Variants in ITPRID1 observed in about 807,000 individuals in gnomAD.
The protein encoded by ITPRID1 is protein ITPRID1.
A neutral mutation model predicts 95.4 loss-of-function variants in ITPRID1; 96 were observed. The observed-to-expected ratio is 1.01, with a 90% CI of 0.85 to 1.19. The LOEUF (loss-of-function observed/expected upper bound fraction) is 1.19. Among genes scored for constraint, ITPRID1 ranks in the 50% most tolerant of loss-of-function variants. The probability of loss-of-function intolerance (pLI) is 0.00; values close to 1 mark genes in which losing one functional copy is unlikely to be tolerated. For missense variants in ITPRID1, 1,339 were observed against 1,252.9 expected, an observed-to-expected ratio of 1.07 and a Z score of -1.04; for synonymous variants, 510 against 453.6, an observed-to-expected ratio of 1.12 and a Z score of -1.58.
rs1292830702 is a variant in ITPRID1, at chr7:31,654,573, C to A, written c.*1744C>A. On this transcript the variant is annotated 3_prime_UTR_variant, in exon 15 of 15. Transcript: ENST00000615280. Reference sequence around the variant, plus strand: ...TGCCCAGCTAGGAGGCTGTTGCTGTCATCCCCAAGGTGAGAAGCAAATGTC... The same window carrying A: ...TGCCCAGCTAGGAGGCTGTTGCTGTAATCCCCAAGGTGAGAAGCAAATGTC... Among the ~76,000 whole-genome samples the A allele has an allele frequency of 6.6e-6, 1 of 152,146 alleles. No individual in the cohort carries two copies. The highest frequency in any genetic ancestry group is 6.5e-5 in the Admixed American group (1 of 15,284).
At chr7:31,606,039 A>G (rs1462604023) in intron 10 of ITPRID1, among the ~76,000 whole-genome samples, 1 of 152,250 alleles carries the variant, frequency 6.6e-6, no homozygotes, top group East Asian at 1.9e-4. Flanking sequence ...TTTATAAAAC[A>G]TAATATGAAT....
intron 10 of ITPRID1, among the ~76,000 whole-genome samples, chr7:31,584,510 T>A (rs1785517355): frequency 6.6e-6 from 1 of 152,118 alleles, no homozygotes; most frequent in Non-Finnish European, 1.5e-5. Context: ...GGTCAATTAA[T>A]ACCATGTAAG....
At chr7:31,514,195 A>G (rs1583445452) in intron 1 of ITPRID1, 75 bp downstream of exon 1, 1 of 152,188 alleles carries the variant, frequency 6.6e-6, no homozygotes, top group South Asian at 2.1e-4. Flanking sequence ...CCCCTCCTCC[A>G]ACTAAGGAAG....
At position 31,574,667 on chromosome 7, in the gene ITPRID1, G is replaced by T; in HGVS notation, c.523G>T (p.Ala175Ser). ...CAGATTCCTTGGTTGTGGCTCAGCA[G>T]CCAGAGGAATCAACATCCGTGTTTT... The part of the protein sequence containing the change: ...PARFLGCGSA[A>S]RGINIRVFLE... Residue 175 changes from alanine (A) to serine (S), a missense_variant, in exon 8 of 15, where the codon GCC becomes TCC. Transcript: ENST00000615280. 1 of 1,613,928 alleles carries T rather than the reference G, an allele frequency of 6.2e-7. No individual in the cohort carries two copies. Among genetic ancestry groups the T allele is most frequent in the African/African-American group, 1.3e-5 (1 of 75,032 alleles).
intron 10 of ITPRID1, among the ~76,000 whole-genome samples, chr7:31,639,035 C>T (rs1789756745): frequency 6.6e-6 from 1 of 152,160 alleles, no homozygotes; most frequent in Admixed American, 6.5e-5. Context: ...CCTCGGCCTC[C>T]CAAAGTGCTG....
At chr7:31,578,539 C>A in intron 9 of ITPRID1, 105 bp downstream of exon 9, 1 of 793,546 alleles carries the variant, frequency 1.3e-6, no homozygotes, top group Non-Finnish European at 1.9e-6. Context: ...AATCCCTCAG[C>A]ATTACTTCTT....
intron 1 of ITPRID1, chr7:31,518,272 C>G (rs1382601643): frequency 6.6e-6 from 1 of 152,174 alleles, no homozygotes. Flanking sequence ...GAGTGCAGGC[C>G]TGCTAACAGA....
chr7:31,644,026 C>T (rs767863553), intron 12 of ITPRID1, 73 bp downstream of exon 12: 56 of 1,384,524 alleles, frequency 4.0e-5, no homozygotes, highest in Admixed American at 6.8e-5. Flanking sequence ...AATATTCAGA[C>T]TTCCTTGCTG....
At chr7:31,542,688 C>T (rs1783971290) in intron 1 of ITPRID1, among the ~76,000 whole-genome samples, 1 of 152,118 alleles carries the variant, frequency 6.6e-6, no homozygotes, top group African/African-American at 2.4e-5. Flanking sequence ...TAAAAAATTA[C>T]ACAAGCAAAG....
rs1476488408 is a variant in ITPRID1, at chr7:31,643,070, G to C, written c.1700G>C (p.Gly567Ala). The C allele has an allele frequency of 1.2e-6, 2 of 1,613,826 alleles. No homozygotes were observed. Among genetic ancestry groups the C allele is most frequent in the Non-Finnish European group, 1.7e-6 (2 of 1,179,882 alleles). The change falls in exon 12 of 15, where the codon GGG becomes GCG. Residue 567 changes from glycine to alanine, a missense_variant. Transcript: ENST00000615280. ...ACTTCCAAATATGATCATCCTCTGG[G>C]GTTTATGGTAACCCACGTCACAGAA... ...TATSKYDHPLGFMVTHVTEMQ... is the reference protein window; with the variant it reads ...TATSKYDHPLAFMVTHVTEMQ...
intron 1 of ITPRID1, among the ~76,000 whole-genome samples, chr7:31,520,515 TTGTG>T (rs57709822): frequency 0.013 from 1,695 of 135,568 alleles, 18 homozygotes; most frequent in Admixed American, 0.021. Flanking sequence ...TACCACATCA[TTGTG>T]TGTGTGTGTG....
At position 31,652,149 on chromosome 7, in the gene ITPRID1, G is replaced by T. The variant is rs568567900; in HGVS notation, c.2823+99G>T. The T allele has an allele frequency of 3.8e-5, 35 of 931,138 alleles. No homozygotes were observed. In the African/African-American group the frequency reaches 5.6e-4, roughly 15 times the overall value. The allele number at this position is 931,138 out of a possible 1,614,324, so 57.7% of individuals were successfully genotyped here. A position where few individuals can be genotyped will look rare whatever the true frequency, so the allele number is the denominator to read the frequency against. The stretch of plus-strand genomic sequence containing the variant: ...ATTGTGCAATCATTTCAGAATCTAG[G>T]TTTACATGCCAACACCTTCATTTTA... On this transcript the variant is annotated intron_variant, in intron 14 of 14. Coordinates refer to ENST00000615280, the MANE Select transcript of ITPRID1 (RefSeq NM_001257967.3).
intron 10 of ITPRID1, among the ~76,000 whole-genome samples, chr7:31,592,115 T>G (rs1785890943): frequency 6.6e-6 from 1 of 152,162 alleles, no homozygotes; most frequent in Non-Finnish European, 1.5e-5. Flanking sequence ...CCCTACTCTT[T>G]TTATGCGTAA....
At chr7:31,526,267 A>G (rs1783418336) in intron 1 of ITPRID1, among the ~76,000 whole-genome samples, 1 of 152,218 alleles carries the variant, frequency 6.6e-6, no homozygotes, top group African/African-American at 2.4e-5. Context: ...TCTCTGACAT[A>G]TGATGATTTG....
intron 13 of ITPRID1, among the ~76,000 whole-genome samples, chr7:31,651,603 A>G (rs28663): frequency 0.95 from 144,138 of 152,154 alleles, 68,481 homozygotes; most frequent in East Asian, 1. Context: ...TGGGGATGGA[A>G]ATCAGGTTTA....
chr7:31,562,600 C>A (rs577658334), intron 5 of ITPRID1, among the ~76,000 whole-genome samples: 1 of 152,206 alleles, frequency 6.6e-6, no homozygotes, highest in Middle Eastern at 3.4e-3. Context: ...TGTCAGGTGA[C>A]AATATTCACA....
At chr7:31,638,192 C>T (rs529443628) in intron 10 of ITPRID1, among the ~76,000 whole-genome samples, 4 of 152,172 alleles carry the variant, frequency 2.6e-5, no homozygotes, top group African/African-American at 7.2e-5. Context: ...AGGAGGAAAA[C>T]GGGTGGTATT....
rs376506078 is a variant in ITPRID1 at position 31,552,883 on chromosome 7, T to C, written c.-23-119T>C. ...TGGGTGAGCCAGGTTCATGTATGAC[T>C]GTGAAGCTGGATCATTCATCTGACT... On this transcript the variant is annotated intron_variant, in intron 2 of 14. Transcript: ENST00000615280. 24 of 1,048,498 alleles carry C rather than the reference T, an allele frequency of 2.3e-5. No individual in the cohort carries two copies. The East Asian group carries it at 4.2e-4, about 18-fold the overall frequency. The allele number at this position is 1,048,498 out of a possible 1,614,324, so 64.9% of individuals were successfully genotyped here.
At chr7:31,526,250 C>T (rs1783417732) in intron 1 of ITPRID1, among the ~76,000 whole-genome samples, 1 of 152,186 alleles carries the variant, frequency 6.6e-6, no homozygotes, top group South Asian at 2.1e-4. Flanking sequence ...AGTTGGTATA[C>T]AGCTGGTCTC....
Sources: gnomAD v4.1 joint callset for allele counts (sites outside exome capture counted in the v4.1 genomes callset) on GRCh38, gnomAD v4.1.1 for gene constraint, MANE v1.5 for transcripts, NCBI Gene and HGNC (gene_info 2026-07-23, HGNC 2026-07-21) for gene names.